The following TPRG1 variants were observed in gnomAD, a reference collection of about 807,000 sequenced individuals.
The protein encoded by TPRG1 is tumor protein p63-regulated gene 1 protein.
Under a neutral mutation model 29.3 loss-of-function variants are expected in TPRG1, and 29 were observed. That is an observed-to-expected ratio of 0.99 (90% CI 0.74 to 1.35). The LOEUF (loss-of-function observed/expected upper bound fraction) is 1.35, where lower values mean the gene tolerates loss of function less well. Among genes scored for constraint, TPRG1 ranks in the 40% most tolerant of loss-of-function variants. The pLI, the probability that TPRG1 is intolerant of heterozygous loss-of-function variation, is 0.00. For synonymous variants in TPRG1, 130 were observed against 116.8 expected (o/e 1.11, Z -0.73); for missense variants, 327 against 335.0 (o/e 0.98, Z 0.19).
intron 4 of TPRG1, among the ~76,000 whole-genome samples, chr3:189,037,333 T>A (rs849008): frequency 0.85 from 128,414 of 151,660 alleles, 56,324 homozygotes; most frequent in Non-Finnish European, 0.95. Flanking sequence ...TAAGGAGGAT[T>A]TCATATCAGA....
chr3:189,223,582 G>A (rs933371671), intron 3 of TPRG1, among the ~76,000 whole-genome samples: 3 of 152,174 alleles, frequency 2.0e-5, no homozygotes, highest in Non-Finnish European at 4.4e-5. Context: ...AATGTACTTG[G>A]AAGTGTTTAT....
At chr3:189,318,102 G>A (rs975908280) in intron 5 of TPRG1, among the ~76,000 whole-genome samples, 4 of 152,144 alleles carry the variant, frequency 2.6e-5, no homozygotes, top group African/African-American at 9.7e-5. Flanking sequence ...TATTGGACGG[G>A]CGTGCCCTCT....
chr3:189,312,105 GTTTCTTTC>G lies in TPRG1; in HGVS notation c.633+1570_633+1577del, dbSNP rs1209208448. Among the ~76,000 whole-genome samples the G allele has an allele frequency of 1.5e-3, 108 of 70,880 alleles. 3 individuals carry two copies. Among genetic ancestry groups the G allele is most frequent in the African/African-American group, 6.0e-3 (100 of 16,560 alleles). 46.5% of individuals were successfully genotyped at this position (70,880 alleles called of 152,430 possible). On this transcript the variant is annotated intron_variant, in intron 5 of 5. Transcript: ENST00000345063. ...TGTTTCTTTCTTTCTTTGTTTCTTT[GTTTCTTTC>G]TTTGTTTCTTTCTTTCTTTCTTTCT...
At chr3:189,196,734 C>A (rs908428673) in intron 1 of TPRG1, among the ~76,000 whole-genome samples, 2 of 152,060 alleles carry the variant, frequency 1.3e-5, no homozygotes, top group Admixed American at 1.3e-4. Flanking sequence ...CACTGGTATT[C>A]TTATTTTATG....
upstream of TPRG1, among the ~76,000 whole-genome samples, chr3:189,171,751 G>T (rs1202945049): frequency 6.6e-6 from 1 of 152,208 alleles, no homozygotes; most frequent in Non-Finnish European, 1.5e-5. Context: ...TGGATGATAG[G>T]CTGCTCCTGC....
At chr3:189,151,755 C>G (rs1578554959) in intron 5 of TPRG1, among the ~76,000 whole-genome samples, 1 of 152,018 alleles carries the variant, frequency 6.6e-6, no homozygotes, top group South Asian at 2.1e-4. Flanking sequence ...GTGGCATGCC[C>G]CTGTAGTCCC....
intron 3 of TPRG1, among the ~76,000 whole-genome samples, chr3:189,217,345 T>C (rs1736226739): frequency 6.6e-6 from 1 of 152,200 alleles, no homozygotes; most frequent in Non-Finnish European, 1.5e-5. Flanking sequence ...TAGAAACTCA[T>C]TTTACATTTC....
At chr3:189,198,350 A>G (rs922989187) in intron 1 of TPRG1, among the ~76,000 whole-genome samples, 1 of 152,110 alleles carries the variant, frequency 6.6e-6, no homozygotes, top group Non-Finnish European at 1.5e-5. Context: ...ACATACTCCT[A>G]TCATGACTCT....
intron 1 of TPRG1, among the ~76,000 whole-genome samples, chr3:189,197,944 T>C (rs1201144602): frequency 1.3e-5 from 2 of 152,194 alleles, no homozygotes; most frequent in Non-Finnish European, 2.9e-5. Flanking sequence ...AACTGGAATA[T>C]TTACAGTGCC....
intron 2 of TPRG1, among the ~76,000 whole-genome samples, chr3:189,002,009 C>T (rs553834056): frequency 6.6e-6 from 1 of 152,222 alleles, no homozygotes; most frequent in Non-Finnish European, 1.5e-5. Context: ...AGGAACTTAG[C>T]GGGCAGAGCC....
intron 3 of TPRG1, among the ~76,000 whole-genome samples, chr3:189,143,162 T>TC (rs1328195790): frequency 6.6e-6 from 1 of 151,970 alleles, no homozygotes; most frequent in East Asian, 1.9e-4. Flanking sequence ...AGGATCATCT[T>TC]TTTTTTATAT....
chr3:189,149,911 G>A (rs1018053415), intron 4 of TPRG1, among the ~76,000 whole-genome samples: 3 of 152,034 alleles, frequency 2.0e-5, no homozygotes, highest in African/African-American at 7.3e-5. Flanking sequence ...GATTATGTAC[G>A]CAGTGTTTTC....
chr3:189,040,617 CT>C (rs1290768882), intron 4 of TPRG1, among the ~76,000 whole-genome samples: 7 of 152,116 alleles, frequency 4.6e-5, no homozygotes, highest in African/African-American at 7.2e-5. Context: ...TTCTTGCCCC[CT>C]GATACTGGTG....
chr3:189,265,764 G>A (rs761761678), intron 4 of TPRG1, among the ~76,000 whole-genome samples: 7 of 152,118 alleles, frequency 4.6e-5, no homozygotes, highest in East Asian at 1.9e-4. Flanking sequence ...AGCCACCATC[G>A]TGAACTGTGG....
Position 189,155,398 on chromosome 3 carries a change from G to C in TPRG1, c.-10+4526G>C, listed in dbSNP as rs549073812. Among the ~76,000 whole-genome samples the C allele has an allele frequency of 6.6e-5, 10 of 152,262 alleles. No individual in the cohort carries two copies. In the East Asian group the frequency reaches 1.9e-3, roughly 29 times the overall value. On this transcript the variant is annotated intron_variant, in intron 5 of 6. Coordinates refer to the TPRG1 transcript ENST00000412373. The stretch of plus-strand genomic sequence containing the variant: ...TGCACAGTGGCCCTCTAACATGTCT[G>C]TGTCCTAATTCCTATAAGGCAGAGA...
intron 1 of TPRG1, among the ~76,000 whole-genome samples, chr3:189,178,458 G>T (rs1452405411): frequency 6.6e-6 from 1 of 152,172 alleles, no homozygotes; most frequent in Non-Finnish European, 1.5e-5. Context: ...GAACCCGGGA[G>T]GCAGAAGCTG....
intron 3 of TPRG1, among the ~76,000 whole-genome samples, chr3:189,020,441 C>T (rs1464937264): frequency 2.0e-5 from 3 of 151,306 alleles, no homozygotes; most frequent in Non-Finnish European, 2.9e-5. Flanking sequence ...TCTTTGTTCT[C>T]GTTGGTTTCA....
At chr3:189,215,760 A>G (rs1735973634) in intron 3 of TPRG1, among the ~76,000 whole-genome samples, 1 of 152,214 alleles carries the variant, frequency 6.6e-6, no homozygotes, top group Admixed American at 6.5e-5. Flanking sequence ...TCATGGAAAG[A>G]AAGTCTGGGA....
intron 4 of TPRG1, among the ~76,000 whole-genome samples, chr3:189,263,340 GGAGA>G: frequency 6.6e-6 from 1 of 152,202 alleles, no homozygotes; most frequent in Admixed American, 6.5e-5. Context: ...AATGTTTCAG[GGAGA>G]GAGAAGAACA....
Sources: allele counts gnomAD v4.1 joint callset (sites outside exome capture counted in the v4.1 genomes callset), GRCh38; gene constraint gnomAD v4.1.1; transcripts MANE v1.5; gene names NCBI Gene and HGNC (gene_info 2026-07-23, HGNC 2026-07-21).